Variants in SLC9D1 observed in about 807,000 individuals in gnomAD.
The protein encoded by SLC9D1 is putative LAG1-interacting protein.
the SLC9D1 span, among the ~76,000 whole-genome samples, chr13:113,531,804 A>C: frequency 6.6e-6 from 1 of 152,244 alleles, no homozygotes. Flanking sequence ...AGTTGAGCGC[A>C]CTGTGGCTTC....
chr13:113,521,255 G>T, the SLC9D1 span, among the ~76,000 whole-genome samples: 2 of 151,232 alleles, frequency 1.3e-5, no homozygotes, highest in African/African-American at 4.9e-5. Context: ...GTGTGTGTTT[G>T]TTCTGTGGTA....
the SLC9D1 span, among the ~76,000 whole-genome samples, chr13:113,509,974 G>A: frequency 6.6e-6 from 1 of 152,176 alleles, no homozygotes; most frequent in Non-Finnish European, 1.5e-5. Context: ...CTTGAGCTCA[G>A]GGTGTTCTGA....
chr13:113,549,038 G>A, the SLC9D1 span, among the ~76,000 whole-genome samples: 4 of 152,158 alleles, frequency 2.6e-5, no homozygotes, highest in African/African-American at 4.8e-5. Context: ...ACTGTGGCCC[G>A]GGGTTGGCCT....
the SLC9D1 span, among the ~76,000 whole-genome samples, chr13:113,514,663 G>A: frequency 1.4e-5 from 2 of 148,006 alleles, no homozygotes; most frequent in Non-Finnish European, 3.0e-5. Context: ...CATGAGCCTC[G>A]CTAGTATTCG....
chr13:113,525,710 A>T, the SLC9D1 span, among the ~76,000 whole-genome samples: 1 of 144,516 alleles, frequency 6.9e-6, no homozygotes, highest in African/African-American at 2.6e-5. Context: ...AGCCATCGTC[A>T]TCGTAGGAGA....
chr13:113,509,836 C>T, the SLC9D1 span, among the ~76,000 whole-genome samples: 5 of 152,194 alleles, frequency 3.3e-5, no homozygotes, highest in African/African-American at 7.2e-5. Flanking sequence ...AGAGCCGCTT[C>T]GAATGCCGAG....
the SLC9D1 span, among the ~76,000 whole-genome samples, chr13:113,541,034 C>T: frequency 3.3e-5 from 5 of 152,056 alleles, no homozygotes; most frequent in African/African-American, 1.2e-4. Context: ...GGGTGTGCGG[C>T]CTGATTTCTA....
chr13:113,526,063 C>T, the SLC9D1 span, among the ~76,000 whole-genome samples: 19,710 of 147,142 alleles, frequency 0.13, 1,741 homozygotes, highest in Admixed American at 0.25. Flanking sequence ...AACAAGCCGT[C>T]GTCGTCGTAG....
At chr13:113,527,290 T>C in the SLC9D1 span, 1 of 152,282 alleles carries the variant, frequency 6.6e-6, no homozygotes, top group Non-Finnish European at 1.5e-5. Context: ...CCTTCTGATG[T>C]TCCCATCTAT....
At chr13:113,539,324 G>T in the SLC9D1 span, 42 of 1,603,808 alleles carry the variant, frequency 2.6e-5, no homozygotes, top group Non-Finnish European at 3.6e-5. The surrounding 1 kb of genome is among the most constrained non-coding windows in gnomAD (Gnocchi z 4.8). Context: ...GCACTGTGGG[G>T]TCTCATGTAA....
At chr13:113,542,955 A>C in the SLC9D1 span, among the ~76,000 whole-genome samples, 3 of 151,806 alleles carry the variant, frequency 2.0e-5, no homozygotes, top group Non-Finnish European at 2.9e-5. Context: ...TCCTGACCCC[A>C]ATGCAGCCTC....
the SLC9D1 span, among the ~76,000 whole-genome samples, chr13:113,532,866 G>A: frequency 8.8e-6 from 1 of 113,848 alleles, no homozygotes; most frequent in Non-Finnish European, 1.9e-5. Flanking sequence ...CCTGCAGCGA[G>A]CTCTGAAGGA....
At chr13:113,524,238 A>G in the SLC9D1 span, 22 of 453,148 alleles carry the variant, frequency 4.9e-5, no homozygotes, top group African/African-American at 3.0e-4. Context: ...TTTGAGTTCA[A>G]TCAGCTTTTG....
chr13:113,549,454 G>A, the SLC9D1 span: 20 of 1,613,768 alleles, frequency 1.2e-5, no homozygotes, highest in Admixed American at 2.7e-4. Flanking sequence ...GTGTGACCAC[G>A]CTCAGCCTCT....
chr13:113,549,885 A>G, the SLC9D1 span: 2 of 526,276 alleles, frequency 3.8e-6, no homozygotes, highest in Non-Finnish European at 6.7e-6. Flanking sequence ...TTTTTAGTAA[A>G]GAAGCAAAAT....
chr13:113,502,813 C>A, the SLC9D1 span, among the ~76,000 whole-genome samples: 1 of 152,240 alleles, frequency 6.6e-6, no homozygotes, highest in Non-Finnish European at 1.5e-5. Context: ...CTGGTTGAGC[C>A]TGGGACTAGG....
the SLC9D1 span, among the ~76,000 whole-genome samples, chr13:113,517,450 G>C: frequency 1.5e-3 from 234 of 152,162 alleles, 4 homozygotes; most frequent in Admixed American, 6.0e-3. Context: ...GGATGGTCTC[G>C]ATCTCCTGAC....
the SLC9D1 span, among the ~76,000 whole-genome samples, chr13:113,497,562 T>C: frequency 6.7e-6 from 1 of 149,144 alleles, no homozygotes; most frequent in Admixed American, 6.7e-5. Context: ...TGTAGCTGTG[T>C]GAGACCTGCA....
chr13:113,495,865 C>A, the SLC9D1 span: 1 of 1,614,140 alleles, frequency 6.2e-7, no homozygotes, highest in Non-Finnish European at 8.5e-7. Flanking sequence ...CAGGTGCACA[C>A]GTTTGAAATT....
Sources: allele counts gnomAD v4.1 joint callset (sites outside exome capture counted in the v4.1 genomes callset), GRCh38; gene constraint gnomAD v4.1.1; non-coding constraint Gnocchi (gnomAD v3.1); transcripts MANE v1.5; gene names NCBI Gene and HGNC (gene_info 2026-07-23, HGNC 2026-07-21).